The following ZNF106 variants were observed in gnomAD, a reference collection of about 807,000 sequenced individuals.
The protein encoded by ZNF106 is zinc finger protein 106.
In ZNF106, 67 loss-of-function variants were observed where a neutral mutation model predicts 195.1. The ratio of observed to expected loss-of-function variants is 0.34; its 90% CI spans 0.28 to 0.42. The LOEUF (loss-of-function observed/expected upper bound fraction) is 0.42. ZNF106 is among the 10% of genes least tolerant of loss of function. The pLI is 1.00. For missense variants in ZNF106, 2,118 were observed against 2,304.5 expected, an observed-to-expected ratio of 0.92 and a Z score of 1.66; for synonymous variants, 784 against 818.6, an observed-to-expected ratio of 0.96 and a Z score of 0.72.
At chr15:42,488,615 A>G (rs1352745085) in intron 1 of ZNF106, among the ~76,000 whole-genome samples, 1 of 152,148 alleles carries the variant, frequency 6.6e-6, no homozygotes, top group East Asian at 1.9e-4. Flanking sequence ...CAAAACACAC[A>G]ATACATAGAC....
At position 42,450,371 on chromosome 15, in the gene ZNF106, G is replaced by C; in HGVS notation, c.1901C>G (p.Thr634Ser). Reference sequence around the variant, plus strand: ...AGTGCTGCCAGATAACAATTCTGTAGTTGCAGAACCTAGGGTTCCAATTTT... The same window carrying C: ...AGTGCTGCCAGATAACAATTCTGTACTTGCAGAACCTAGGGTTCCAATTTT... The part of the protein sequence containing the change: ...GTKIGTLGSA[T>S]TELLSGSTRT... Residue 634 changes from threonine to serine, a missense_variant, in exon 5 of 22, where the codon ACT becomes AGT. Transcript: ENST00000564754. 6.2e-7 allele frequency: 1 copy of C among 1,614,176 alleles called. No homozygotes were observed. Among genetic ancestry groups the C allele is most frequent in the South Asian group, 1.1e-5 (1 of 91,086 alleles).
At chr15:42,472,410 T>C in intron 1 of ZNF106, 89 bp from the exon 2 acceptor site, 2 of 914,124 alleles carry the variant, frequency 2.2e-6, no homozygotes, top group Non-Finnish European at 3.2e-6. Context: ...AAGTCTTATC[T>C]TCCTCACCTC....
At chr15:42,484,328 A>G (rs945117506) in intron 1 of ZNF106, among the ~76,000 whole-genome samples, 2 of 152,228 alleles carry the variant, frequency 1.3e-5, no homozygotes, top group Non-Finnish European at 2.9e-5. Context: ...ATGAAAAATT[A>G]AAGGAAAGTG....
In ZNF106 at chr15:42,422,540, A is replaced by C; in HGVS notation, c.5334T>G (p.Thr1778=). 6.2e-7 allele frequency: 1 copy of C among 1,613,754 alleles called. No homozygotes were observed. The highest frequency in any genetic ancestry group is 8.5e-7 in the Non-Finnish European group (1 of 1,179,960). The change falls in exon 18 of 22, where the codon ACT becomes ACG. Residue 1778 remains threonine, a synonymous_variant. Coordinates refer to ENST00000564754, the MANE Select transcript of ZNF106 (RefSeq NM_001366845.3). ...VVNILGKVMV[T]ACLDKFVRVY... is the part of the protein sequence containing the mutation. The stretch of plus-strand genomic sequence containing the variant: ...CACGAACAAATTTATCCAGGCAAGC[A>C]GTCACCATCACTTTTCCTAGGATAT...
At chr15:42,421,282 T>C (rs988178990) in intron 19 of ZNF106, 150 bp from the exon 20 acceptor site, 10 of 728,984 alleles carry the variant, frequency 1.4e-5, no homozygotes, top group Admixed American at 2.4e-5. Context: ...TGGGAAAGTA[T>C]TTTCCAGATC....
Position 42,417,186 on chromosome 15 carries a change from G to T in ZNF106, c.*118C>A. On this transcript the variant is annotated 3_prime_UTR_variant, in exon 22 of 22. Transcript: ENST00000564754. ...CAGACTTATGCTAGGGGTATGCCTG[G>T]CTAGTAACCACTTTCTCCTTCCTTA... is the stretch of plus-strand genomic sequence containing the variant. 9.4e-7 allele frequency: 1 copy of T among 1,066,440 alleles called. No homozygotes were observed. 66.1% of individuals were successfully genotyped at this position (1,066,440 alleles called of 1,614,324 possible).
intron 3 of ZNF106, among the ~76,000 whole-genome samples, chr15:42,465,401 C>G (rs2056492820): frequency 6.6e-6 from 1 of 152,064 alleles, no homozygotes; most frequent in Non-Finnish European, 1.5e-5. Context: ...ACCTTAGCCT[C>G]CTAAATAGCT....
Position 42,449,884 on chromosome 15 carries a change from C to T in ZNF106, c.2388G>A (p.Gly796=). 2 of 1,614,132 alleles carry T rather than the reference C, an allele frequency of 1.2e-6. No individual in the cohort carries two copies. The highest frequency in any genetic ancestry group is 1.1e-5 in the South Asian group (1 of 91,076). ...HRKSETEKES[G]LKPTLRQILN... ...GAATCTGCCGTAGGGTTGGCTTGAGCCCAGACTCCTTCTCTGTCTCACTCT... is the reference window on the plus strand; with the variant it reads ...GAATCTGCCGTAGGGTTGGCTTGAGTCCAGACTCCTTCTCTGTCTCACTCT... Residue 796 remains glycine, a synonymous_variant, in exon 5 of 22, where the codon GGG becomes GGA. Coordinates refer to ENST00000564754, the MANE Select transcript of ZNF106 (RefSeq NM_001366845.3).
Position 42,415,645 on chromosome 15 carries a change from G to C in ZNF106, c.*1659C>G, listed in dbSNP as rs1062038. On this transcript the variant is annotated 3_prime_UTR_variant, in exon 22 of 22. Transcript: ENST00000564754. ...ACAGGGGCGAAGACAGACCTGGATG[G>C]TCTGCAATCCCAGAGAGCATGAGGC... The C allele has an allele frequency of 0.24, 69,800 of 289,836 alleles. 13,681 individuals are homozygous for C. Among genetic ancestry groups the C allele is most frequent in the African/African-American group, 0.64 (28,356 of 44,202 alleles). 18.0% of individuals were successfully genotyped at this position (289,836 alleles called of 1,614,324 possible). A position where few individuals can be genotyped will look rare whatever the true frequency, so the allele number is the denominator to read the frequency against.
intron 14 of ZNF106, among the ~76,000 whole-genome samples, chr15:42,430,130 A>G (rs994417196): frequency 6.6e-6 from 1 of 152,088 alleles, no homozygotes; most frequent in Non-Finnish European, 1.5e-5. Flanking sequence ...TTATGTCTCA[A>G]TGTTAAAAAA....
At chr15:42,490,850 C>G (rs1396754260) in intron 1 of ZNF106, 130 bp downstream of exon 1, 1 of 152,480 alleles carries the variant, frequency 6.6e-6, no homozygotes, top group African/African-American at 2.4e-5. Context: ...CACCAGGTTG[C>G]CCCTGAGCCG....
At chr15:42,489,010 G>A (rs376184182) in intron 1 of ZNF106, among the ~76,000 whole-genome samples, 1 of 149,832 alleles carries the variant, frequency 6.7e-6, no homozygotes, top group Non-Finnish European at 1.5e-5. Context: ...CCCAAGAAGC[G>A]GAGGTTGCAG....
chr15:42,429,060 G>A (rs904846957), intron 14 of ZNF106, among the ~76,000 whole-genome samples: 1 of 151,378 alleles, frequency 6.6e-6, no homozygotes, highest in African/African-American at 2.4e-5. Context: ...GCCAGAAAAC[G>A]ATTTCTACCA....
chr15:42,422,368 T>C, intron 18 of ZNF106, 133 bp downstream of exon 18: 1 of 1,229,280 alleles, frequency 8.1e-7, no homozygotes. Flanking sequence ...AGCTGTTTCA[T>C]AATTATCTAG....
At chr15:42,461,791 A>G (rs1397200604) in intron 3 of ZNF106, among the ~76,000 whole-genome samples, 1 of 152,268 alleles carries the variant, frequency 6.6e-6, no homozygotes, top group Non-Finnish European at 1.5e-5. Context: ...GTAGTTAAAA[A>G]TGAAATCCAG....
At chr15:42,444,700 C>G in intron 8 of ZNF106, 127 bp downstream of exon 8, 1 of 1,206,146 alleles carries the variant, frequency 8.3e-7, no homozygotes, top group Admixed American at 2.4e-5. Context: ...TAGGCACAGT[C>G]TGGGGCACTT....
At chr15:42,421,272 TG>T in intron 19 of ZNF106, 140 bp from the exon 20 acceptor site, 1 of 756,072 alleles carries the variant, frequency 1.3e-6, no homozygotes, top group Non-Finnish European at 2.2e-6. Context: ...AGCAGGAGAA[TG>T]GGAAAGTATT....
At chr15:42,421,258 C>A in intron 19 of ZNF106, 126 bp from the exon 20 acceptor site, 1 of 838,168 alleles carries the variant, frequency 1.2e-6, no homozygotes, top group Non-Finnish European at 2.0e-6. Context: ...AAAACCAGCT[C>A]CAGAGCAGGA....
intron 14 of ZNF106, among the ~76,000 whole-genome samples, chr15:42,433,113 T>C (rs2141293529): frequency 6.6e-6 from 1 of 152,292 alleles, no homozygotes; most frequent in African/African-American, 2.4e-5. Flanking sequence ...TATTTATTTA[T>C]TTATTTTTTT....
Sources: gnomAD v4.1 joint callset for allele counts (sites outside exome capture counted in the v4.1 genomes callset) on GRCh38, gnomAD v4.1.1 for gene constraint, MANE v1.5 for transcripts, NCBI Gene and HGNC (gene_info 2026-07-23, HGNC 2026-07-21) for gene names.